MGAT5: variants seen among roughly 807,000 people sequenced by gnomAD.
MGAT5 encodes the protein alpha-1,6-mannosylglycoprotein 6-beta-N-acetylglucosaminyltransferase A.
MGAT5 carries 30 observed loss-of-function variants against 94.3 expected under a neutral mutation model. The ratio of observed to expected loss-of-function variants is 0.32; its 90% CI spans 0.24 to 0.43. MGAT5 has a LOEUF of 0.43. MGAT5 is among the 20% of genes least tolerant of loss of function. The pLI, the probability that MGAT5 is intolerant of heterozygous loss-of-function variation, is 1.00. For missense variants in MGAT5, 691 were observed against 905.5 expected (o/e 0.76, Z 3.04); for synonymous variants, 310 against 322.9 (o/e 0.96, Z 0.43).
At chr2:134,194,472 G>A (rs1009536358) in intron 1 of MGAT5, among the ~76,000 whole-genome samples, 1 of 152,132 alleles carries the variant, frequency 6.6e-6, no homozygotes, top group Non-Finnish European at 1.5e-5. Context: ...GGGGCGGAGG[G>A]TGGAATATTA....
intron 1 of MGAT5, among the ~76,000 whole-genome samples, chr2:134,240,031 G>C (rs555609513): frequency 6.6e-6 from 1 of 152,118 alleles, no homozygotes; most frequent in Admixed American, 6.5e-5. Flanking sequence ...CAGATACCTA[G>C]ATGAATATTC....
intron 2 of MGAT5, among the ~76,000 whole-genome samples, chr2:134,286,236 C>G (rs928276295): frequency 3.9e-5 from 6 of 152,194 alleles, no homozygotes; most frequent in African/African-American, 1.4e-4. Context: ...TTCTGCCCTC[C>G]TGTGACAGGC....
chr2:134,432,725 G>A (rs940742611), intron 14 of MGAT5, among the ~76,000 whole-genome samples: 1 of 152,168 alleles, frequency 6.6e-6, no homozygotes, highest in Non-Finnish European at 1.5e-5. Flanking sequence ...CCTTGGGCAA[G>A]TTACCTAACA....
chr2:134,134,213 G>A (rs1686305937), intron 1 of MGAT5, among the ~76,000 whole-genome samples: 1 of 152,220 alleles, frequency 6.6e-6, no homozygotes, highest in South Asian at 2.1e-4. Flanking sequence ...CGTTTTTGAT[G>A]TTAGCTGCTG....
rs1375830199 is a variant in MGAT5 at position 134,453,453 on chromosome 2, T to C, written c.*4606T>C. 1 of 152,228 alleles carries C rather than the reference T, an allele frequency of 6.6e-6. No homozygotes were observed. The highest frequency in any genetic ancestry group is 1.5e-5 in the Non-Finnish European group (1 of 68,040). The allele number at this position is 152,228 out of a possible 1,614,324, so 9.4% of individuals were successfully genotyped here. Reference sequence around the variant, plus strand: ...AAGGGTTTTCCTCAAGGAACATTTTTGAGCTAGAAATTAAAATGGGTTCTC... The same window carrying C: ...AAGGGTTTTCCTCAAGGAACATTTTCGAGCTAGAAATTAAAATGGGTTCTC... On this transcript the variant is annotated 3_prime_UTR_variant, in exon 16 of 16. Transcript: ENST00000281923.
intron 1 of MGAT5, among the ~76,000 whole-genome samples, chr2:134,260,069 G>A (rs111813578): frequency 0.06 from 8,742 of 145,794 alleles, 346 homozygotes; most frequent in Middle Eastern, 0.18. Context: ...GCGTATGCTA[G>A]GTCCTAAGGC....
Position 134,441,821 on chromosome 2 carries a change from C to T in MGAT5, c.1933C>T (p.Pro645Ser). The change falls in exon 15 of 16, where the codon CCC becomes TCC. Residue 645 changes from proline to serine, a missense_variant. Pro to Ser is a moderately conservative substitution (Grantham distance 74). Coordinates refer to ENST00000281923, the MANE Select transcript of MGAT5 (RefSeq NM_002410.5). Reference protein sequence around the residue: ...LSALQVKLAEPGQSCKQVCQE... With the variant: ...LSALQVKLAESGQSCKQVCQE... ...CGCCCTACAGGTCAAGCTTGCTGAG[C>T]CCGGGCAGTCCTGCAAGCAGGTGTG... 6.2e-7 allele frequency: 1 copy of T among 1,614,134 alleles called. No homozygotes were observed. The highest frequency in any genetic ancestry group is 8.5e-7 in the Non-Finnish European group (1 of 1,180,002).
At chr2:134,434,594 G>A (rs555356878) in intron 14 of MGAT5, among the ~76,000 whole-genome samples, 2 of 152,296 alleles carry the variant, frequency 1.3e-5, no homozygotes, top group East Asian at 3.9e-4. Context: ...AACACATTCA[G>A]TTTAGTTGAG....
At chr2:134,367,521 G>A (rs572089414) in intron 10 of MGAT5, among the ~76,000 whole-genome samples, 10 of 152,350 alleles carry the variant, frequency 6.6e-5, no homozygotes, top group Non-Finnish European at 1.3e-4. Flanking sequence ...GTGGCAGACT[G>A]TGTGACCCAC....
At chr2:134,131,062 A>G (rs142988757) in intron 1 of MGAT5, among the ~76,000 whole-genome samples, 5 of 152,284 alleles carry the variant, frequency 3.3e-5, no homozygotes, top group Admixed American at 2.0e-4. Context: ...TCTTTGCAAT[A>G]AATTTTGCTG....
chr2:134,282,699 C>A (rs1327902441), intron 2 of MGAT5, among the ~76,000 whole-genome samples: 1 of 152,144 alleles, frequency 6.6e-6, no homozygotes, highest in Admixed American at 6.5e-5. Context: ...GAAACAAATA[C>A]ATAAACACAT....
intron 4 of MGAT5, among the ~76,000 whole-genome samples, chr2:134,334,723 A>C (rs981720260): frequency 2.0e-5 from 3 of 152,014 alleles, no homozygotes; most frequent in African/African-American, 7.2e-5. Flanking sequence ...ATCCACTTGC[A>C]GGCTTTTTCT....
chr2:134,266,160 C>CAAAAAA (rs371430614), intron 1 of MGAT5, among the ~76,000 whole-genome samples: 6,916 of 111,866 alleles, frequency 0.062, 266 homozygotes, highest in African/African-American at 0.099. Flanking sequence ...GACTCCATCT[C>CAAAAAA]AAAAAAAAAA....
chr2:134,157,969 C>T (rs1003351355), intron 1 of MGAT5, among the ~76,000 whole-genome samples: 2 of 152,160 alleles, frequency 1.3e-5, no homozygotes, highest in Non-Finnish European at 2.9e-5. Flanking sequence ...GAGGGGAGAC[C>T]CACAGTGGGT....
rs570902202 is a variant in MGAT5 at position 134,429,715 on chromosome 2, G to A, written c.1869+1276G>A. 3.3e-5 allele frequency among the ~76,000 whole-genome samples: 5 copies of A among 152,190 alleles called. No homozygotes were observed. The South Asian group carries it at 1.0e-3, about 32-fold the overall frequency. On this transcript the variant is annotated intron_variant, in intron 14 of 15. Transcript: ENST00000281923. The stretch of plus-strand genomic sequence containing the variant: ...CACTACTTTGTAGTATAATTATTTG[G>A]TTTCACGAGAAACCATTTGAATCTT...
At chr2:134,325,010 T>TAAAA (rs34721704) in intron 4 of MGAT5, among the ~76,000 whole-genome samples, 1 of 148,062 alleles carries the variant, frequency 6.8e-6, no homozygotes, top group Non-Finnish European at 1.5e-5. Context: ...TAAAAGAATT[T>TAAAA]AAAAAAAAAA....
Position 134,448,766 on chromosome 2 carries a change from C to T in MGAT5, c.2145C>T (p.Gly715=), listed in dbSNP as rs764284751. The change falls in exon 16 of 16, where the codon GGC becomes GGT. Residue 715 remains glycine, a synonymous_variant. Transcript: ENST00000281923. ...ACCTCCTGCTCTTCAGCTGTGCAGG[C>T]GCCCACCCCAGGCACCAGAGGGTCT... ...QGDLLLFSCA[G]AHPRHQRVCP... 23 of 1,614,062 alleles carry T rather than the reference C, an allele frequency of 1.4e-5. No individual in the cohort carries two copies. Among genetic ancestry groups the T allele is most frequent in the South Asian group, 1.1e-4 (10 of 91,088 alleles).
Position 134,266,138 on chromosome 2 carries a change from G to A in MGAT5, c.242-4248G>A, listed in dbSNP as rs147406913. ...ATCGTGCCACTGCACTCCAGCCTTG[G>A]CCACAGAGCAAGACTCCATCTCAAA... On this transcript the variant is annotated intron_variant, in intron 1 of 15. Coordinates refer to ENST00000281923, the MANE Select transcript of MGAT5 (RefSeq NM_002410.5). Among the ~76,000 whole-genome samples the A allele has an allele frequency of 7.1e-3, 941 of 132,022 alleles. 11 individuals carry two copies. The highest frequency in any genetic ancestry group is 0.027 in the African/African-American group (885 of 32,496). The allele number at this position is 132,022 out of a possible 152,430, so 86.6% of individuals were successfully genotyped here.
chr2:134,369,403 G>A (rs916025132), intron 10 of MGAT5, among the ~76,000 whole-genome samples: 1 of 152,192 alleles, frequency 6.6e-6, no homozygotes, highest in African/African-American at 2.4e-5. Flanking sequence ...ATACTGCACA[G>A]GGAAATGGGA....
Sources: gnomAD v4.1 joint callset for allele counts (sites outside exome capture counted in the v4.1 genomes callset) on GRCh38, gnomAD v4.1.1 for gene constraint, MANE v1.5 for transcripts, NCBI Gene and HGNC (gene_info 2026-07-23, HGNC 2026-07-21) for gene names.